CNTNAP2: variants seen among roughly 807,000 people sequenced by gnomAD.
CNTNAP2 encodes contactin associated protein 2, also known as contactin-associated protein-like 2.
CNTNAP2 carries 98 observed loss-of-function variants against 155.2 expected under a neutral mutation model. The observed-to-expected ratio is 0.63, with a 90% CI of 0.54 to 0.75. CNTNAP2 has a LOEUF of 0.75. Among genes scored for constraint, CNTNAP2 ranks in the 30% least tolerant of loss-of-function variants. The probability of loss-of-function intolerance (pLI) is 0.00; values close to 1 mark genes in which losing one functional copy is unlikely to be tolerated. For missense variants in CNTNAP2, 1,727 were observed against 1,688.1 expected, an observed-to-expected ratio of 1.02 and a Z score of -0.40; for synonymous variants, 651 against 631.2, an observed-to-expected ratio of 1.03 and a Z score of -0.47.
Position 147,865,490 on chromosome 7 carries a change from T to G in CNTNAP2, c.2099-38075T>G, listed in dbSNP as rs188640067. 4.8e-3 allele frequency among the ~76,000 whole-genome samples: 727 copies of G among 152,318 alleles called. 6 individuals carry two copies. The highest frequency in any genetic ancestry group is 6.9e-3 in the Non-Finnish European group (468 of 68,032). ...TCTTTTTCTATTGATTGGAATAGTT[T>G]CAGAAGGAATGATACCAGCTCCTCT... is the stretch of plus-strand genomic sequence containing the variant. On this transcript the variant is annotated intron_variant, in intron 13 of 23. Coordinates refer to ENST00000361727, the MANE Select transcript of CNTNAP2 (RefSeq NM_014141.6).
intron 3 of CNTNAP2, among the ~76,000 whole-genome samples, chr7:146,930,762 C>CA: frequency 6.6e-6 from 1 of 151,712 alleles, no homozygotes; most frequent in South Asian, 2.1e-4. Flanking sequence ...AAATGGAAAA[C>CA]AAAAAAAGGC....
chr7:147,271,333 G>T (rs554290591), intron 8 of CNTNAP2, among the ~76,000 whole-genome samples: 23 of 152,180 alleles, frequency 1.5e-4, no homozygotes, highest in Non-Finnish European at 2.8e-4. Context: ...CCTCTAAAAT[G>T]TTCTCAATTT....
chr7:147,824,415 G>A (rs372559113), intron 13 of CNTNAP2, among the ~76,000 whole-genome samples: 1 of 152,124 alleles, frequency 6.6e-6, no homozygotes. Context: ...GTAGAGTTGT[G>A]TATGAATGTA....
chr7:146,742,069 A>T (rs1012984422), intron 1 of CNTNAP2, among the ~76,000 whole-genome samples: 2 of 89,366 alleles, frequency 2.2e-5, no homozygotes, highest in African/African-American at 1.2e-4. Context: ...GACTGTGTTA[A>T]AAAAAAAAAA....
intron 1 of CNTNAP2, among the ~76,000 whole-genome samples, chr7:146,691,898 G>A (rs891484079): frequency 6.6e-6 from 1 of 152,100 alleles, no homozygotes. Flanking sequence ...TGGAAACATG[G>A]CTTTTCAATG....
rs544918731 is a variant in CNTNAP2 at position 147,547,253 on chromosome 7, T to A, written c.1778-14885T>A. Among the ~76,000 whole-genome samples the A allele has an allele frequency of 1.9e-3, 285 of 152,284 alleles. 1 individual carries two copies. Among genetic ancestry groups the A allele is most frequent in the Non-Finnish European group, 3.5e-3 (239 of 68,020 alleles). ...GAATCCAAGGCAATAATTGATATTA[T>A]TTATCCTTTCCTTCAACTCATCCTA... On this transcript the variant is annotated intron_variant, in intron 11 of 23. Coordinates refer to ENST00000361727, the MANE Select transcript of CNTNAP2 (RefSeq NM_014141.6).
chr7:147,084,538 TAATATATAATA>T (rs1800228644), intron 4 of CNTNAP2, among the ~76,000 whole-genome samples: 1 of 144,382 alleles, frequency 6.9e-6, no homozygotes, highest in African/African-American at 2.5e-5. Flanking sequence ...ATACTATATA[TAATATATAATA>T]ATATAATAAT....
chr7:146,712,662 T>G (rs1345593021), intron 1 of CNTNAP2, among the ~76,000 whole-genome samples: 1 of 151,774 alleles, frequency 6.6e-6, no homozygotes, highest in Non-Finnish European at 1.5e-5. Context: ...CTTTTGCCTT[T>G]TTTTTTCTTT....
chr7:147,793,869 G>T (rs13237908), intron 13 of CNTNAP2, among the ~76,000 whole-genome samples: 2 of 151,822 alleles, frequency 1.3e-5, no homozygotes, highest in Non-Finnish European at 2.9e-5. Context: ...TTAAAGTATA[G>T]GTTTGTGCCC....
intron 15 of CNTNAP2, among the ~76,000 whole-genome samples, chr7:148,025,326 C>T (rs1469900887): frequency 6.6e-6 from 1 of 152,186 alleles, no homozygotes; most frequent in African/African-American, 2.4e-5. Context: ...TCAACCAGTC[C>T]TGTGACCTTC....
chr7:147,625,904 T>C lies in CNTNAP2; in HGVS notation c.1898-13202T>C, dbSNP rs998847302. On this transcript the variant is annotated intron_variant, in intron 12 of 23. Coordinates refer to ENST00000361727, the MANE Select transcript of CNTNAP2 (RefSeq NM_014141.6). ...GGACCTGAAAATCCAGATCATGAGATTATGGAAGAAGGATTTAACCTCTCC... is the reference window on the plus strand; with the variant it reads ...GGACCTGAAAATCCAGATCATGAGACTATGGAAGAAGGATTTAACCTCTCC... Among the ~76,000 whole-genome samples, 20 of 152,128 alleles carry C rather than the reference T, an allele frequency of 1.3e-4. 1 individual carries two copies. The highest frequency in any genetic ancestry group is 2.1e-4 in the South Asian group (1 of 4,822).
intron 1 of CNTNAP2, among the ~76,000 whole-genome samples, chr7:146,357,945 C>A (rs1250483523): frequency 6.6e-6 from 1 of 151,820 alleles, no homozygotes; most frequent in Non-Finnish European, 1.5e-5. Flanking sequence ...ACTATACAAC[C>A]ACACATTAAA....
intron 13 of CNTNAP2, among the ~76,000 whole-genome samples, chr7:147,687,170 C>A (rs1232928665): frequency 6.6e-6 from 1 of 151,884 alleles, no homozygotes. Flanking sequence ...AAAAAGTTGG[C>A]TAAAATAGCA....
At chr7:147,468,846 T>C (rs1467302988) in intron 10 of CNTNAP2, among the ~76,000 whole-genome samples, 33 of 57,746 alleles carry the variant, frequency 5.7e-4, no homozygotes, top group African/African-American at 2.8e-3. Flanking sequence ...TTCTTCTTTT[T>C]TTTTTTTCCC....
intron 1 of CNTNAP2, among the ~76,000 whole-genome samples, chr7:146,400,415 T>G (rs1439924106): frequency 2.0e-5 from 3 of 152,182 alleles, no homozygotes; most frequent in Non-Finnish European, 4.4e-5. Context: ...CATGAGGACT[T>G]GATGGAAAAG....
At chr7:146,705,120 C>A (rs1800940921) in intron 1 of CNTNAP2, among the ~76,000 whole-genome samples, 1 of 152,082 alleles carries the variant, frequency 6.6e-6, no homozygotes, top group African/African-American at 2.4e-5. Context: ...ATTTCCCTTG[C>A]TAATGCCGTG....
At chr7:146,559,190 T>C (rs1798243954) in intron 1 of CNTNAP2, among the ~76,000 whole-genome samples, 1 of 152,092 alleles carries the variant, frequency 6.6e-6, no homozygotes, top group African/African-American at 2.4e-5. Context: ...TCATTTCACA[T>C]TGTGTGATAT....
chr7:147,739,119 C>A (rs1302521600), intron 13 of CNTNAP2, among the ~76,000 whole-genome samples: 1 of 131,608 alleles, frequency 7.6e-6, no homozygotes, highest in Non-Finnish European at 1.6e-5. Context: ...TAATCTCCTG[C>A]AAGTCATTTT....
intron 3 of CNTNAP2, among the ~76,000 whole-genome samples, chr7:146,972,894 C>A (rs1482589318): frequency 2.0e-5 from 3 of 152,186 alleles, no homozygotes; most frequent in Non-Finnish European, 4.4e-5. Flanking sequence ...GTCAGAGGCA[C>A]TAATGAATTA....
Sources: allele counts gnomAD v4.1 joint callset (sites outside exome capture counted in the v4.1 genomes callset), GRCh38; gene constraint gnomAD v4.1.1; transcripts MANE v1.5; gene names NCBI Gene and HGNC (gene_info 2026-07-23, HGNC 2026-07-21).